The following BCL9 variants were observed in gnomAD, a reference collection of about 807,000 sequenced individuals.
BCL9 encodes the protein BCL9 transcription coactivator.
BCL9 carries 25 observed loss-of-function variants against 88.5 expected under a neutral mutation model. That is an observed-to-expected ratio of 0.28 (90% confidence interval 0.21 to 0.39). The LOEUF (loss-of-function observed/expected upper bound fraction) is 0.39. Ranked by LOEUF, BCL9 falls within the 10% of genes least tolerant of loss-of-function variation. BCL9 has a pLI of 1.00. For missense variants in BCL9, 1,817 were observed against 1,877.8 expected, an observed-to-expected ratio of 0.97 and a Z score of 0.60; for synonymous variants, 711 against 673.3, an observed-to-expected ratio of 1.06 and a Z score of -0.87.
chr1:147,598,161 G>GT (rs1295432649), intron 1 of BCL9, among the ~76,000 whole-genome samples: 1 of 152,166 alleles, frequency 6.6e-6, no homozygotes, highest in African/African-American at 2.4e-5. Context: ...AGAAAAGTCC[G>GT]TAAGTCCATA....
intron 1 of BCL9, among the ~76,000 whole-genome samples, chr1:147,552,463 A>T (rs1178809896): frequency 2.6e-5 from 4 of 152,050 alleles, no homozygotes; most frequent in South Asian, 2.1e-4. Flanking sequence ...AAAATTAGCC[A>T]GGCGTGGTGG....
Position 147,620,356 on chromosome 1 carries a change from C to G in BCL9, c.2201C>G (p.Pro734Arg), listed in dbSNP as rs782790138. ...VNMGSNSQMI[P>R]QKMREAGAGP... is the part of the protein sequence containing the mutation. ...ATGGGATCCAACTCTCAGATGATAC[C>G]TCAGAAGATGAGAGAGGCTGGGGCG... The change falls in exon 8 of 10, where the codon CCT (proline) becomes CGT (arginine). Residue 734 changes from proline (P) to arginine (R), a missense_variant. Physicochemically the swap from Pro to Arg is moderately radical, Grantham distance 103. This residue lies in a region of BCL9 where 1,228 missense variants were observed against 1,191.6 expected (regional missense o/e 1.03). Transcript: ENST00000234739. 1.2e-6 allele frequency: 2 copies of G among 1,614,178 alleles called. No individual in the cohort carries two copies. The highest frequency in any genetic ancestry group is 2.2e-5 in the South Asian group (2 of 91,086).
intron 1 of BCL9, among the ~76,000 whole-genome samples, chr1:147,598,397 G>T (rs782803862): frequency 6.6e-6 from 1 of 152,172 alleles, no homozygotes; most frequent in Non-Finnish European, 1.5e-5. Flanking sequence ...GTTTTTCATA[G>T]GATCTAAGCA....
chr1:147,568,310 G>A (rs1553196951), intron 1 of BCL9, among the ~76,000 whole-genome samples: 1 of 152,066 alleles, frequency 6.6e-6, no homozygotes, highest in Non-Finnish European at 1.5e-5. Context: ...CCTAATAAAT[G>A]CCCTGTTGAC....
intron 1 of BCL9, among the ~76,000 whole-genome samples, chr1:147,570,088 C>T (rs890416875): frequency 6.6e-6 from 1 of 152,160 alleles, no homozygotes; most frequent in Non-Finnish European, 1.5e-5. Flanking sequence ...TTTCGTCAGG[C>T]ATTTACTGCT....
chr1:147,550,644 T>C (rs971208735), intron 1 of BCL9, among the ~76,000 whole-genome samples: 6 of 152,188 alleles, frequency 3.9e-5, no homozygotes, highest in Non-Finnish European at 7.3e-5. Context: ...TGAGGATAAA[T>C]AGAAGCATTA....
rs587693145 is a variant in BCL9, at chr1:147,552,631, G to A, written c.-478+10957G>A. Among the ~76,000 whole-genome samples the A allele has an allele frequency of 6.6e-5, 10 of 152,182 alleles. No individual in the cohort carries two copies. The South Asian group carries it at 1.7e-3, about 25-fold the overall frequency. ...CAAAAAATAAAACAAACAAACAAAC[G>A]AAAAGATTAACAGATAATAATGCTT... On this transcript the variant is annotated intron_variant, in intron 1 of 9. Coordinates refer to ENST00000234739, the MANE Select transcript of BCL9 (RefSeq NM_004326.4).
chr1:147,609,849 T>C (rs1389001676), intron 3 of BCL9, among the ~76,000 whole-genome samples: 1 of 152,192 alleles, frequency 6.6e-6, no homozygotes, highest in Non-Finnish European at 1.5e-5. Context: ...ACAAAAGAAC[T>C]TTAAAACAAG....
rs1553206354 is a variant in BCL9 at position 147,624,974 on chromosome 1, A to G, written c.*15A>G. 3.8e-6 allele frequency: 6 copies of G among 1,596,124 alleles called. No individual in the cohort carries two copies. The highest frequency in any genetic ancestry group is 4.3e-6 in the Non-Finnish European group (5 of 1,166,562). Reference sequence around the variant, plus strand: ...TGATGTTTTAAGCTGCTAAGATGGGATGTGCCGATCCTTGTCAAGATGAGA... The same window carrying G: ...TGATGTTTTAAGCTGCTAAGATGGGGTGTGCCGATCCTTGTCAAGATGAGA... On this transcript the variant is annotated 3_prime_UTR_variant, in exon 10 of 10. Transcript: ENST00000234739. The surrounding 1 kb of genome is among the most constrained non-coding windows in gnomAD (Gnocchi z 4.4).
At chr1:147,608,115 T>C (rs587601065) in intron 3 of BCL9, among the ~76,000 whole-genome samples, 2 of 152,266 alleles carry the variant, frequency 1.3e-5, no homozygotes, top group African/African-American at 4.8e-5. Flanking sequence ...AGTGAGCAAC[T>C]GGCAGAATCT....
intron 1 of BCL9, among the ~76,000 whole-genome samples, chr1:147,593,598 G>A (rs1656930977): frequency 6.6e-6 from 1 of 152,172 alleles, no homozygotes; most frequent in Non-Finnish European, 1.5e-5. Flanking sequence ...CATCAGGGGA[G>A]TTAAGTTATA....
rs1553206109 is a variant in BCL9, at chr1:147,624,423, C to T, written c.3745C>T (p.Leu1249=). ...IIPSEKPSQT[L]QYFPRGEVPG... The stretch of plus-strand genomic sequence containing the variant: ...TCCATCTGAGAAGCCCAGCCAGACG[C>T]TGCAATATTTCCCTCGAGGGGAAGT... The change falls in exon 10 of 10, where the codon CTG becomes TTG. Residue 1249 remains leucine, a synonymous_variant. Transcript: ENST00000234739. This position sits in a 1 kb window ranked among gnomAD's most constrained non-coding sequence, Gnocchi z 4.4. 4 of 1,614,122 alleles carry T rather than the reference C, an allele frequency of 2.5e-6. No individual in the cohort carries two copies. Among genetic ancestry groups the T allele is most frequent in the Non-Finnish European group, 3.4e-6 (4 of 1,180,054 alleles).
intron 1 of BCL9, among the ~76,000 whole-genome samples, chr1:147,551,293 A>G (rs1654891199): frequency 6.6e-6 from 1 of 152,208 alleles, no homozygotes; most frequent in Admixed American, 6.5e-5. Flanking sequence ...GGTCAGTCTG[A>G]CCGCAAAGGA....
rs1341397310 is a variant in BCL9 at position 147,615,907 on chromosome 1, G to A, written c.660+5G>A. On this transcript the variant is annotated splice_donor_5th_base_variant and intron_variant, in intron 7 of 9. Transcript: ENST00000234739. Reference sequence around the variant, plus strand: ...GAGAGAAGCACAGCGCCTCTGGTATGTTGTTTCAGAAACTGAGTAATGGTT... The same window carrying A: ...GAGAGAAGCACAGCGCCTCTGGTATATTGTTTCAGAAACTGAGTAATGGTT... 2.5e-6 allele frequency: 4 copies of A among 1,608,114 alleles called. No individual in the cohort carries two copies. The Admixed American group carries it at 5.0e-5, about 20-fold the overall frequency.
Position 147,620,564 on chromosome 1 carries a change from A to C in BCL9, c.2409A>C (p.Pro803=). 1.2e-6 allele frequency: 2 copies of C among 1,613,770 alleles called. No homozygotes were observed. The highest frequency in any genetic ancestry group is 1.7e-6 in the Non-Finnish European group (2 of 1,179,882). Residue 803 remains proline (P), a synonymous_variant, in exon 8 of 10, where the codon CCA becomes CCC. Coordinates refer to ENST00000234739, the MANE Select transcript of BCL9 (RefSeq NM_004326.4). ...GTGGCTTGCGGAATCTCAGAGAACC[A>C]ATTGGGCCCGACCAGAGGACTAACA... ...SNSGLRNLRE[P]IGPDQRTNSR...
intron 1 of BCL9, among the ~76,000 whole-genome samples, chr1:147,600,516 T>G (rs1440278459): frequency 1.5e-5 from 2 of 134,848 alleles, no homozygotes; most frequent in South Asian, 2.5e-4. Context: ...GTGAGGCGAG[T>G]CTGGAGGAAC....
At chr1:147,543,212 C>G (rs1654411153) in intron 1 of BCL9, among the ~76,000 whole-genome samples, 1 of 152,140 alleles carries the variant, frequency 6.6e-6, no homozygotes, top group Admixed American at 6.5e-5. Context: ...TTTAAAGGCT[C>G]TCAGTTGTAG....
chr1:147,564,960 G>A (rs1655537451), intron 1 of BCL9, among the ~76,000 whole-genome samples: 1 of 152,032 alleles, frequency 6.6e-6, no homozygotes, highest in Non-Finnish European at 1.5e-5. Flanking sequence ...AGTCACACTA[G>A]CCTAATTTCG....
chr1:147,580,521 G>C (rs1034545843), intron 1 of BCL9, among the ~76,000 whole-genome samples: 1 of 152,046 alleles, frequency 6.6e-6, no homozygotes, highest in Non-Finnish European at 1.5e-5. Flanking sequence ...GAAAAGCATC[G>C]TGCACAGTGG....
Sources: gnomAD v4.1 joint callset for allele counts (sites outside exome capture counted in the v4.1 genomes callset) on GRCh38, gnomAD v4.1.1 for gene constraint, gnomAD v4.1.1 regional missense constraint, Gnocchi (gnomAD v3.1) non-coding constraint, MANE v1.5 for transcripts, NCBI Gene and HGNC (gene_info 2026-07-23, HGNC 2026-07-21) for gene names.